Variants in TPCN1 observed in about 807,000 individuals in gnomAD.
TPCN1 encodes two pore channel protein 1.
A neutral mutation model predicts 108.8 loss-of-function variants in TPCN1; 52 were observed. The observed-to-expected ratio is 0.48, with a 90% CI of 0.38 to 0.60. TPCN1 has a LOEUF of 0.60. Ranked by LOEUF, TPCN1 falls within the 20% of genes least tolerant of loss-of-function variation. The pLI is 0.00. For missense variants in TPCN1, 806 were observed against 1,072.8 expected (o/e 0.75, Z 3.47); for synonymous variants, 446 against 433.7 (o/e 1.03, Z -0.35).
Position 113,231,291 on chromosome 12 carries a change from A to G in TPCN1, c.112+4327A>G, listed in dbSNP as rs1953677751. On this transcript the variant is annotated intron_variant, in intron 2 of 27. Transcript: ENST00000335509. This position sits in a 1 kb window ranked among gnomAD's most constrained non-coding sequence, Gnocchi z 4.3. ...TCTGGAGGCTGGAAGTCCAAGACCAAGGTGTCAGCAGGTTTGGTTTCTTGC... is the reference window on the plus strand; with the variant it reads ...TCTGGAGGCTGGAAGTCCAAGACCAGGGTGTCAGCAGGTTTGGTTTCTTGC... 6.6e-6 allele frequency among the ~76,000 whole-genome samples: 1 copy of G among 152,232 alleles called. No individual in the cohort carries two copies. The highest frequency in any genetic ancestry group is 2.1e-4 in the South Asian group (1 of 4,830).
chr12:113,267,504 T>G (rs1018589906), intron 4 of TPCN1, among the ~76,000 whole-genome samples: 4 of 152,058 alleles, frequency 2.6e-5, no homozygotes, highest in Non-Finnish European at 5.9e-5. Context: ...GCTCAAGCGA[T>G]TCTCCTGCCT....
chr12:113,254,533 A>G (rs1954766179), intron 2 of TPCN1, among the ~76,000 whole-genome samples: 1 of 152,230 alleles, frequency 6.6e-6, no homozygotes, highest in Admixed American at 6.5e-5. Context: ...AATCATTGTA[A>G]TTCACTATAT....
Position 113,267,920 on chromosome 12 carries a change from C to A in TPCN1, c.492C>A (p.Leu164=). 1.2e-6 allele frequency: 2 copies of A among 1,614,072 alleles called. No homozygotes were observed. The highest frequency in any genetic ancestry group is 1.7e-6 in the Non-Finnish European group (2 of 1,179,950). Residue 164 remains leucine, a synonymous_variant, in exon 5 of 28, where the codon CTC becomes CTA. Transcript: ENST00000335509. Reference sequence around the variant, plus strand: ...GCATGAAGTTACGCTGGCTGGGCCTCCACACCTTCATCCGGCACAAGCGGA... The same window carrying A: ...GCATGAAGTTACGCTGGCTGGGCCTACACACCTTCATCCGGCACAAGCGGA... The part of the protein sequence containing the change: ...ELCMKLRWLG[L]HTFIRHKRTM...
In TPCN1 at chr12:113,266,499, T is replaced by A; in HGVS notation, c.414+143T>A. The A allele has an allele frequency of 8.7e-7, 1 of 1,143,646 alleles. No homozygotes were observed. Among genetic ancestry groups the A allele is most frequent in the Non-Finnish European group, 1.2e-6 (1 of 806,320 alleles). 70.8% of individuals were successfully genotyped at this position (1,143,646 alleles called of 1,614,324 possible). A position where few individuals can be genotyped will look rare whatever the true frequency, so the allele number is the denominator to read the frequency against. ...GAGATACGAGGTGGTCATAGAGGCCTTGGGAGCGGAAATGCCTGGGTGTCC... is the reference window on the plus strand; with the variant it reads ...GAGATACGAGGTGGTCATAGAGGCCATGGGAGCGGAAATGCCTGGGTGTCC... On this transcript the variant is annotated intron_variant, in intron 4 of 27. Coordinates refer to ENST00000335509, the MANE Select transcript of TPCN1 (RefSeq NM_017901.6). This position sits in a 1 kb window ranked among gnomAD's most constrained non-coding sequence, Gnocchi z 4.2.
In TPCN1 at chr12:113,296,016, T is replaced by C. The variant is rs771868159; in HGVS notation, c.2391T>C (p.Ser797=). The change falls in exon 28 of 28, where the codon AGT becomes AGC. Residue 797 remains serine (S), a synonymous_variant. Transcript: ENST00000335509. ...EQEQQRQLSS[S]AAPAAQQPPG... The stretch of plus-strand genomic sequence containing the variant: ...AGCAGCAGCGACAACTCAGCAGCAG[T>C]GCAGCCCCCGCCGCCCAGCAGCCCC... 5.6e-6 allele frequency: 9 copies of C among 1,612,984 alleles called. No individual in the cohort carries two copies. In the African/African-American group the frequency reaches 8.0e-5, roughly 14 times the overall value.
intron 2 of TPCN1, among the ~76,000 whole-genome samples, chr12:113,252,625 C>G (rs1297135336): frequency 6.6e-6 from 1 of 152,218 alleles, no homozygotes; most frequent in Non-Finnish European, 1.5e-5. Context: ...TTACCTAGGA[C>G]TCTTCTGTGT....
At chr12:113,294,446 G>A (rs940191525) in intron 27 of TPCN1, among the ~76,000 whole-genome samples, 1 of 151,982 alleles carries the variant, frequency 6.6e-6, no homozygotes, top group Admixed American at 6.6e-5. Context: ...GGCCAACATG[G>A]TGAAACCCTG....
chr12:113,266,130 G>A lies in TPCN1; in HGVS notation c.238-50G>A, dbSNP rs76033876. The A allele has an allele frequency of 1.1e-3, 1,772 of 1,599,544 alleles. 12 individuals are homozygous for A. The African/African-American group carries it at 0.016, about 14-fold the overall frequency. On this transcript the variant is annotated intron_variant, in intron 3 of 27. Transcript: ENST00000335509. This position sits in a 1 kb window ranked among gnomAD's most constrained non-coding sequence, Gnocchi z 4.2. ...CCCCTGCCCGCGGCTCCTCTTTGGCGTTGGATGGGTCTCCAGGCTTACATG... is the reference window on the plus strand; with the variant it reads ...CCCCTGCCCGCGGCTCCTCTTTGGCATTGGATGGGTCTCCAGGCTTACATG...
At chr12:113,283,251 A>G (rs1229018365) in intron 15 of TPCN1, among the ~76,000 whole-genome samples, 2 of 152,246 alleles carry the variant, frequency 1.3e-5, no homozygotes, top group African/African-American at 4.8e-5. Flanking sequence ...ATACCTATCA[A>G]TATATCTGTC....
intron 2 of TPCN1, chr12:113,245,808 G>A (rs1566150434): frequency 2.6e-6 from 1 of 379,142 alleles, no homozygotes; most frequent in Non-Finnish European, 5.4e-6. Context: ...GGTGAGGGGT[G>A]GGTCGTGGAA....
intron 15 of TPCN1, among the ~76,000 whole-genome samples, chr12:113,280,488 T>C (rs1034836099): frequency 3.3e-5 from 5 of 152,198 alleles, no homozygotes; most frequent in African/African-American, 1.2e-4. Context: ...TTTTAATCTA[T>C]AGGCTTCTCT....
chr12:113,225,894 G>A (rs1341055449), intron 1 of TPCN1, among the ~76,000 whole-genome samples: 2 of 152,018 alleles, frequency 1.3e-5, no homozygotes, highest in East Asian at 3.8e-4. Flanking sequence ...TCACTCTGTT[G>A]CCCAAGCCAG....
intron 26 of TPCN1, 64 bp from the exon 27 acceptor site, chr12:113,293,205 T>C (rs1956324065): frequency 6.2e-7 from 1 of 1,604,956 alleles, no homozygotes; most frequent in Admixed American, 1.7e-5. Flanking sequence ...AGACGCCAAC[T>C]GTGGCACCAG....
intron 25 of TPCN1, chr12:113,292,341 T>C (rs998099968): frequency 8.1e-6 from 2 of 247,416 alleles, no homozygotes; most frequent in East Asian, 1.1e-4. Flanking sequence ...ACTACGGTTC[T>C]TGATTTAAAT....
intron 7 of TPCN1, among the ~76,000 whole-genome samples, chr12:113,270,702 A>T (rs1435404132): frequency 6.6e-6 from 1 of 151,964 alleles, no homozygotes; most frequent in Non-Finnish European, 1.5e-5. Context: ...GCTGGTCTCC[A>T]ACTCCTGACC....
At chr12:113,227,019 G>C (rs1953496092) in intron 2 of TPCN1, 55 bp downstream of exon 2, 1 of 1,477,048 alleles carries the variant, frequency 6.8e-7, no homozygotes, top group Admixed American at 2.0e-5. Flanking sequence ...CAGAGGCTGA[G>C]AGGTGATAAG....
rs1955248709 is a variant in TPCN1 at position 113,266,085 on chromosome 12, G to A, written c.238-95G>A. The A allele has an allele frequency of 7.3e-7, 1 of 1,372,302 alleles. No homozygotes were observed. The highest frequency in any genetic ancestry group is 1.3e-5 in the South Asian group (1 of 77,052). The allele number at this position is 1,372,302 out of a possible 1,614,324, so 85.0% of individuals were successfully genotyped here. A position where few individuals can be genotyped will look rare whatever the true frequency, so the allele number is the denominator to read the frequency against. Reference sequence around the variant, plus strand: ...CTCTGGCCTGAATCTCTCCTCGCCTGCCTGGGGCCTTCCTTTCCTCCCCTG... The same window carrying A: ...CTCTGGCCTGAATCTCTCCTCGCCTACCTGGGGCCTTCCTTTCCTCCCCTG... On this transcript the variant is annotated intron_variant, in intron 3 of 27. Coordinates refer to ENST00000335509, the MANE Select transcript of TPCN1 (RefSeq NM_017901.6). The surrounding 1 kb of genome is among the most constrained non-coding windows in gnomAD (Gnocchi z 4.2).
intron 1 of TPCN1, among the ~76,000 whole-genome samples, chr12:113,225,800 C>G (rs145996065): frequency 6.6e-6 from 1 of 151,922 alleles, no homozygotes; most frequent in East Asian, 1.9e-4. Context: ...AGGATCCGCC[C>G]GCCTCGGCCT....
At chr12:113,240,948 G>A (rs568682621) in intron 2 of TPCN1, among the ~76,000 whole-genome samples, 43 of 152,266 alleles carry the variant, frequency 2.8e-4, no homozygotes, top group African/African-American at 9.9e-4. Flanking sequence ...GTTTCACCAT[G>A]TTGGCCAGGC....
Sources: gnomAD v4.1 joint callset for allele counts (sites outside exome capture counted in the v4.1 genomes callset) on GRCh38, gnomAD v4.1.1 for gene constraint, Gnocchi (gnomAD v3.1) non-coding constraint, MANE v1.5 for transcripts, NCBI Gene and HGNC (gene_info 2026-07-23, HGNC 2026-07-21) for gene names.